HS2ST1: variants seen among roughly 807,000 people sequenced by gnomAD.
HS2ST1 encodes 2-O-sulfotransferase.
Under a neutral mutation model 42.9 loss-of-function variants are expected in HS2ST1, and 18 were observed. The observed-to-expected ratio is 0.42, with a 90% CI of 0.29 to 0.62. The LOEUF is 0.62. Among genes scored for constraint, HS2ST1 ranks in the 20% least tolerant of loss-of-function variants. The probability of loss-of-function intolerance (pLI) is 0.21; values close to 1 mark genes in which losing one functional copy is unlikely to be tolerated. For missense variants in HS2ST1, 334 were observed against 433.8 expected (o/e 0.77, Z 2.04); for synonymous variants, 146 against 152.9 (o/e 0.95, Z 0.33).
At chr1:86,988,058 A>T (rs1336610241) in intron 1 of HS2ST1, among the ~76,000 whole-genome samples, 2 of 152,182 alleles carry the variant, frequency 1.3e-5, no homozygotes, top group African/African-American at 4.8e-5. Flanking sequence ...CTCCATTTGC[A>T]GTGGGGATGA....
chr1:87,085,608 CTAAT>C (rs768010464), intron 3 of HS2ST1, among the ~76,000 whole-genome samples: 9 of 152,074 alleles, frequency 5.9e-5, no homozygotes, highest in Non-Finnish European at 7.4e-5. Flanking sequence ...TTAAAATAAA[CTAAT>C]TATTTTTTTC....
chr1:86,927,027 C>G (rs1404186850), intron 1 of HS2ST1, among the ~76,000 whole-genome samples: 1 of 152,162 alleles, frequency 6.6e-6, no homozygotes, highest in Non-Finnish European at 1.5e-5. Context: ...GCTGATGAAC[C>G]ATCTGGCTCC....
At chr1:86,988,724 A>G (rs1455152683) in intron 1 of HS2ST1, among the ~76,000 whole-genome samples, 1 of 152,238 alleles carries the variant, frequency 6.6e-6, no homozygotes, top group Non-Finnish European at 1.5e-5. Flanking sequence ...ACTGGCCACT[A>G]CTGCCGGAAT....
chr1:87,064,352 T>G (rs957233713), intron 1 of HS2ST1: 2 of 375,428 alleles, frequency 5.3e-6, no homozygotes, highest in African/African-American at 4.2e-5. Flanking sequence ...TCTACTGTCT[T>G]CTCTTTTAGA....
Position 86,950,784 on chromosome 1 carries a change from G to A in HS2ST1, c.124+35624G>A, listed in dbSNP as rs190591059. Among the ~76,000 whole-genome samples the A allele has an allele frequency of 4.1e-3, 620 of 152,322 alleles. 1 individual carries two copies. Among genetic ancestry groups the A allele is most frequent in the African/African-American group, 0.014 (591 of 41,582 alleles). On this transcript the variant is annotated intron_variant, in intron 1 of 6. Transcript: ENST00000370550. ...ATAATTTAGATGAAGAAGGAAGAATGTACTTCATTGTATTTTTTTACGGCC... is the reference window on the plus strand; with the variant it reads ...ATAATTTAGATGAAGAAGGAAGAATATACTTCATTGTATTTTTTTACGGCC...
At chr1:87,073,454 A>C (rs1354242557) in intron 2 of HS2ST1, among the ~76,000 whole-genome samples, 3 of 152,214 alleles carry the variant, frequency 2.0e-5, no homozygotes, top group Non-Finnish European at 4.4e-5. Context: ...GTATCCTTTT[A>C]AAAATATAAT....
At chr1:86,993,096 A>T (rs1264625721) in intron 1 of HS2ST1, 14 of 1,600,000 alleles carry the variant, frequency 8.7e-6, no homozygotes, top group African/African-American at 1.3e-5. Flanking sequence ...TGTTTATCAA[A>T]TTCATTCATC....
chr1:86,925,813 T>C (rs1266335326), intron 1 of HS2ST1, among the ~76,000 whole-genome samples: 3 of 152,220 alleles, frequency 2.0e-5, no homozygotes, highest in East Asian at 1.9e-4. Flanking sequence ...TAACTCTTTC[T>C]GGTGCTGTTG....
intron 1 of HS2ST1, among the ~76,000 whole-genome samples, chr1:87,018,451 A>C (rs1321308624): frequency 6.6e-6 from 1 of 152,196 alleles, no homozygotes. Flanking sequence ...GCAGTTTTGT[A>C]GCAGAGTAAC....
At chr1:87,084,387 C>A in intron 3 of HS2ST1, 108 bp downstream of exon 3, 1 of 649,032 alleles carries the variant, frequency 1.5e-6, no homozygotes, top group Non-Finnish European at 2.6e-6. Flanking sequence ...AATGTACTGT[C>A]TTGCCTTTGC....
intron 1 of HS2ST1, among the ~76,000 whole-genome samples, chr1:86,978,310 G>C (rs1648481835): frequency 6.6e-6 from 1 of 152,168 alleles, no homozygotes; most frequent in African/African-American, 2.4e-5. Flanking sequence ...TAAGTTTTAA[G>C]TGAATTTTAA....
At chr1:86,983,757 G>A (rs61771743) in intron 1 of HS2ST1, among the ~76,000 whole-genome samples, 1 of 151,468 alleles carries the variant, frequency 6.6e-6, no homozygotes, top group Non-Finnish European at 1.5e-5. Context: ...AAAAAATTTG[G>A]CAAGGCAAGG....
intron 1 of HS2ST1, among the ~76,000 whole-genome samples, chr1:87,065,974 T>C (rs1022545007): frequency 2.0e-5 from 3 of 152,206 alleles, no homozygotes; most frequent in Non-Finnish European, 4.4e-5. Flanking sequence ...CTGTTTCTTA[T>C]ATCCCTCTCG....
chr1:86,948,533 C>T (rs1647404469), intron 1 of HS2ST1, among the ~76,000 whole-genome samples: 1 of 152,124 alleles, frequency 6.6e-6, no homozygotes, highest in South Asian at 2.1e-4. Context: ...TTTAACCAGG[C>T]CTCTTTTACT....
chr1:86,992,892 A>G, intron 1 of HS2ST1: 2 of 551,972 alleles, frequency 3.6e-6, no homozygotes, highest in Non-Finnish European at 6.2e-6. Context: ...GGAAGATTGT[A>G]GAAGAATTTA....
At chr1:87,049,152 T>C (rs1650770427) in intron 1 of HS2ST1, among the ~76,000 whole-genome samples, 1 of 152,050 alleles carries the variant, frequency 6.6e-6, no homozygotes, top group Non-Finnish European at 1.5e-5. Flanking sequence ...GCTTCGTTAA[T>C]TTTTGTGTTT....
At chr1:86,937,704 A>G (rs1352501698) in intron 1 of HS2ST1, among the ~76,000 whole-genome samples, 1 of 151,756 alleles carries the variant, frequency 6.6e-6, no homozygotes, top group Admixed American at 6.6e-5. Context: ...TTCTTTTCAG[A>G]TTGCCTTTCC....
chr1:86,929,309 A>G (rs1437983486), intron 1 of HS2ST1, among the ~76,000 whole-genome samples: 2 of 151,826 alleles, frequency 1.3e-5, no homozygotes, highest in African/African-American at 4.8e-5. Flanking sequence ...CCAGTGCCTC[A>G]TCTCATAGGA....
Position 87,073,044 on chromosome 1 carries a change from AAC to A in HS2ST1, c.237_238del (p.Asn79LysfsTer16), listed in dbSNP as rs1480417020. The A allele has an allele frequency of 6.2e-7, 1 of 1,614,102 alleles. No individual in the cohort carries two copies. Among genetic ancestry groups the A allele is most frequent in the South Asian group, 1.1e-5 (1 of 91,090 alleles). On this transcript the variant is annotated frameshift_variant, in exon 2 of 7. Transcript: ENST00000370550. LOFTEE classifies it high-confidence loss of function. ...DEEEDMVIIY[N>X]RVPKTASTSF... The stretch of plus-strand genomic sequence containing the variant: ...GGAAGAGGACATGGTGATCATTTAT[AAC>A]AGAGTTCCCAAAACGGCAAGCACTT...
Sources: gnomAD v4.1 joint callset for allele counts (sites outside exome capture counted in the v4.1 genomes callset) on GRCh38, gnomAD v4.1.1 for gene constraint, MANE v1.5 for transcripts, NCBI Gene and HGNC (gene_info 2026-07-23, HGNC 2026-07-21) for gene names.